Variants in ZNF532 observed in about 807,000 individuals in gnomAD.
The protein encoded by ZNF532 is zinc finger protein 532.
In ZNF532, 22 loss-of-function variants were observed where a neutral mutation model predicts 89.3. The observed-to-expected ratio is 0.25, with a 90% CI of 0.18 to 0.35. The LOEUF (loss-of-function observed/expected upper bound fraction) is 0.35. Among genes scored for constraint, ZNF532 ranks in the 10% least tolerant of loss-of-function variants. ZNF532 has a pLI of 1.00. For synonymous variants in ZNF532, 606 were observed against 649.6 expected (o/e 0.93, Z 1.02); for missense variants, 1,132 against 1,643.4 (o/e 0.69, Z 5.38).
In ZNF532 at chr18:58,903,552, A is replaced by C. The variant is rs547251665; in HGVS notation, c.-17-14719A>C. On this transcript the variant is annotated intron_variant, in intron 2 of 9. Transcript: ENST00000591808. Reference sequence around the variant, plus strand: ...TGGTCAAAATAGAGGACCGACAGCGATTATAAAGAGAATGAGGGCGCATCT... The same window carrying C: ...TGGTCAAAATAGAGGACCGACAGCGCTTATAAAGAGAATGAGGGCGCATCT... Among the ~76,000 whole-genome samples the C allele has an allele frequency of 3.5e-4, 54 of 152,304 alleles. No homozygotes were observed. In the South Asian group the frequency reaches 0.01, roughly 29 times the overall value.
Position 58,984,587 on chromosome 18 carries a change from T to C in ZNF532, c.*121T>C. The C allele has an allele frequency of 8.1e-7, 1 of 1,230,908 alleles. No homozygotes were observed. The highest frequency in any genetic ancestry group is 1.1e-6 in the Non-Finnish European group (1 of 900,006). 76.2% of individuals were successfully genotyped at this position (1,230,908 alleles called of 1,614,324 possible). A position where few individuals can be genotyped will look rare whatever the true frequency, so the allele number is the denominator to read the frequency against. ...TCTAGGCTGTTGCAATATATTCTCTTTCAATGTACCTTCCTTCACCTCGTC... is the reference window on the plus strand; with the variant it reads ...TCTAGGCTGTTGCAATATATTCTCTCTCAATGTACCTTCCTTCACCTCGTC... On this transcript the variant is annotated 3_prime_UTR_variant, in exon 10 of 10. Transcript: ENST00000591808.
At chr18:58,920,848 T>C (rs1360816709) in intron 3 of ZNF532, among the ~76,000 whole-genome samples, 1 of 151,320 alleles carries the variant, frequency 6.6e-6, no homozygotes, top group East Asian at 1.9e-4. Context: ...GTAAGGATTG[T>C]TTTCATAGAA....
intron 7 of ZNF532, among the ~76,000 whole-genome samples, chr18:58,958,309 A>G (rs899206632): frequency 6.6e-6 from 1 of 152,222 alleles, no homozygotes; most frequent in African/African-American, 2.4e-5. Context: ...AATTTGCTGA[A>G]TTACTGCTTT....
chr18:58,983,950 A>G (rs753032426), intron 9 of ZNF532, 22 bp from the exon 10 acceptor site: 1 of 1,590,866 alleles, frequency 6.3e-7, no homozygotes, highest in Non-Finnish European at 8.6e-7. Context: ...CAGTCGTGTC[A>G]TTTGCTTTCT....
intron 2 of ZNF532, among the ~76,000 whole-genome samples, chr18:58,893,698 A>T (rs930907293): frequency 2.0e-5 from 3 of 151,770 alleles, no homozygotes; most frequent in African/African-American, 7.3e-5. Context: ...TTGGGAAGCT[A>T]TGTGAATTTT....
rs1555704655 is a variant in ZNF532 at position 58,880,759 on chromosome 18, C to CGCGT, written c.-18+15182_-18+15183insGTGC. Among the ~76,000 whole-genome samples, 271 of 120,998 alleles carry CGCGT rather than the reference C, an allele frequency of 2.2e-3. 10 individuals are homozygous for CGCGT. In the East Asian group the frequency reaches 0.11, roughly 48 times the overall value. 79.4% of individuals were successfully genotyped at this position (120,998 alleles called of 152,430 possible). On this transcript the variant is annotated intron_variant, in intron 2 of 9. Coordinates refer to ENST00000591808, the MANE Select transcript of ZNF532 (RefSeq NM_001375912.1). The stretch of plus-strand genomic sequence containing the variant: ...ATTTGAGCCCTCTCATAGGCGCGCG[C>CGCGT]GCACGCGCGCGCGTCTGTGTGTGTG...
rs765276518 is a variant in ZNF532, at chr18:58,953,664, G to C, written c.3015G>C (p.Lys1005Asn). The C allele has an allele frequency of 1.2e-6, 2 of 1,613,970 alleles. No individual in the cohort carries two copies. Among genetic ancestry groups the C allele is most frequent in the South Asian group, 1.1e-5 (1 of 91,072 alleles). The change falls in exon 7 of 10, where the codon AAG becomes AAC. Residue 1005 changes from lysine (K) to asparagine (N), a missense_variant. Lys to Asn is a moderately conservative substitution (Grantham distance 94, BLOSUM62 0). This residue lies in a region of ZNF532 where 415 missense variants were observed against 604.8 expected (regional missense o/e 0.69). Coordinates refer to ENST00000591808, the MANE Select transcript of ZNF532 (RefSeq NM_001375912.1). ...KSMNGKEKLE[K>N]KSPSPVKKSM... ...TGAATGGGAAAGAGAAATTGGAAAA[G>C]AAATCTCCATCTCCTGTGAAAAAAT...
At chr18:58,898,135 ATG>A (rs1227397184) in intron 2 of ZNF532, among the ~76,000 whole-genome samples, 1 of 152,186 alleles carries the variant, frequency 6.6e-6, no homozygotes, top group African/African-American at 2.4e-5. Flanking sequence ...TTTCTAAATA[ATG>A]TGCTTACATT....
In ZNF532 at chr18:58,918,698, G is replaced by T; in HGVS notation, c.411G>T (p.Glu137Asp). 6.2e-7 allele frequency: 1 copy of T among 1,614,178 alleles called. No individual in the cohort carries two copies. The highest frequency in any genetic ancestry group is 8.5e-7 in the Non-Finnish European group (1 of 1,180,034). ...TTAGCCCGATCTCCAGTGCTGAAGA[G>T]TTTGATGACGACGAGAAGATTGAGG... ...SQFSPISSAE[E>D]FDDDEKIEVD... Residue 137 changes from glutamate (E) to aspartate (D), a missense_variant, in exon 3 of 10, where the codon GAG becomes GAT. Around this residue, in one of 9 missense-constraint regions of ZNF532, gnomAD observed 302 missense variants for 319.8 expected, o/e 0.94. Coordinates refer to ENST00000591808, the MANE Select transcript of ZNF532 (RefSeq NM_001375912.1).
intron 9 of ZNF532, among the ~76,000 whole-genome samples, chr18:58,982,150 C>T (rs2067863482): frequency 6.8e-6 from 1 of 147,978 alleles, no homozygotes; most frequent in Non-Finnish European, 1.5e-5. Flanking sequence ...AAATACAATA[C>T]AAAAATTAGC....
chr18:58,876,891 C>T (rs1162781030), intron 2 of ZNF532, among the ~76,000 whole-genome samples: 2 of 151,974 alleles, frequency 1.3e-5, no homozygotes, highest in African/African-American at 2.4e-5. Flanking sequence ...TGGTAAACCC[C>T]GTCTCTACAA....
At chr18:58,957,499 TAGTG>T (rs1299041305) in intron 7 of ZNF532, among the ~76,000 whole-genome samples, 3 of 151,076 alleles carry the variant, frequency 2.0e-5, no homozygotes, top group African/African-American at 4.9e-5. Flanking sequence ...GTCATTACCT[TAGTG>T]TTACTGCTTC....
intron 5 of ZNF532, among the ~76,000 whole-genome samples, chr18:58,944,848 G>C (rs1463133301): frequency 6.6e-6 from 1 of 152,142 alleles, no homozygotes; most frequent in East Asian, 1.9e-4. Context: ...CAGATTCCTC[G>C]GTTGTTAGCG....
At chr18:58,920,741 T>C (rs2060987575) in intron 3 of ZNF532, 108 bp downstream of exon 3, 6 of 19,484 alleles carry the variant, frequency 3.1e-4, no homozygotes, top group South Asian at 2.8e-3. Context: ...TGGACGTGTG[T>C]GTGTGTGTGT....
Position 58,984,321 on chromosome 18 carries a change from A to C in ZNF532, c.3761A>C (p.Asp1254Ala). Residue 1254 changes from aspartate to alanine, a missense_variant, in exon 10 of 10, where the codon GAT becomes GCT. Around this residue, in one of 9 missense-constraint regions of ZNF532, gnomAD observed 415 missense variants for 604.8 expected, o/e 0.69. Coordinates refer to ENST00000591808, the MANE Select transcript of ZNF532 (RefSeq NM_001375912.1). The part of the protein sequence containing the change: ...NQQENKPSHE[D>A]ESPDGAVSDR... ...CAGGAGAACAAACCCAGCCACGAGG[A>C]TGAATCCCCTGATGGCGCCGTGTCA... The C allele has an allele frequency of 1.2e-6, 2 of 1,612,026 alleles. No homozygotes were observed. Among genetic ancestry groups the C allele is most frequent in the Non-Finnish European group, 1.7e-6 (2 of 1,179,860 alleles).
chr18:58,972,633 G>A (rs1043568661), intron 7 of ZNF532, among the ~76,000 whole-genome samples: 10 of 151,982 alleles, frequency 6.6e-5, no homozygotes, highest in African/African-American at 1.9e-4. Context: ...CTTGGCTCTG[G>A]CCACACAGGA....
intron 7 of ZNF532, among the ~76,000 whole-genome samples, chr18:58,963,777 G>A (rs559502869): frequency 8.8e-5 from 13 of 147,306 alleles, no homozygotes; most frequent in Non-Finnish European, 1.5e-4. Flanking sequence ...AGCCGCAGTC[G>A]TGTCACTGCA....
At chr18:58,899,115 A>G (rs2059435248) in intron 2 of ZNF532, among the ~76,000 whole-genome samples, 1 of 152,206 alleles carries the variant, frequency 6.6e-6, no homozygotes, top group African/African-American at 2.4e-5. Flanking sequence ...TAGAGTCCGG[A>G]CACAGCGAGT....
chr18:58,976,496 T>C (rs750502090), intron 7 of ZNF532, among the ~76,000 whole-genome samples: 17 of 152,212 alleles, frequency 1.1e-4, no homozygotes, highest in Non-Finnish European at 1.9e-4. Context: ...CTTTATAATC[T>C]GTTAGGATTT....
Sources: allele counts gnomAD v4.1 joint callset (sites outside exome capture counted in the v4.1 genomes callset), GRCh38; gene constraint gnomAD v4.1.1; regional missense constraint gnomAD v4.1.1; transcripts MANE v1.5; gene names NCBI Gene and HGNC (gene_info 2026-07-23, HGNC 2026-07-21).